MPHOSPH6: variants seen among roughly 807,000 people sequenced by gnomAD.
The protein encoded by MPHOSPH6 is M-phase phosphoprotein 6.
Under a neutral mutation model 21.8 loss-of-function variants are expected in MPHOSPH6, and 25 were observed. The observed-to-expected ratio is 1.15, with a 90% CI of 0.83 to 1.60. MPHOSPH6 has a LOEUF of 1.60. Among genes scored for constraint, MPHOSPH6 ranks in the 40% most tolerant of loss-of-function variants. The pLI, the probability that MPHOSPH6 is intolerant of heterozygous loss-of-function variation, is 0.00. For synonymous variants in MPHOSPH6, 84 were observed against 56.5 expected (o/e 1.49, Z -2.18); for missense variants, 269 against 181.8 (o/e 1.48, Z -2.76).
chr16:82,160,422 C>T (rs1020638366), intron 2 of MPHOSPH6, among the ~76,000 whole-genome samples: 1 of 152,194 alleles, frequency 6.6e-6, no homozygotes. Flanking sequence ...GTGGGTCTCA[C>T]ATTCCTGCAC....
chr16:82,153,895 G>C (rs548780316), intron 2 of MPHOSPH6, among the ~76,000 whole-genome samples: 1 of 152,078 alleles, frequency 6.6e-6, no homozygotes, highest in African/African-American at 2.4e-5. Context: ...AAGCTTCCAC[G>C]GTTACAAGGC....
intron 2 of MPHOSPH6, among the ~76,000 whole-genome samples, chr16:82,156,355 C>T (rs78709667): frequency 0.12 from 17,856 of 152,088 alleles, 1,283 homozygotes; most frequent in East Asian, 0.28. Flanking sequence ...CAACTTACTG[C>T]ATCAAAAATA....
chr16:82,162,583 A>G (rs1341404605), intron 2 of MPHOSPH6, among the ~76,000 whole-genome samples: 1 of 152,106 alleles, frequency 6.6e-6, no homozygotes, highest in African/African-American at 2.4e-5. Context: ...GGTAGCAGCT[A>G]TTCCCCACCC....
Position 82,148,961 on chromosome 16 carries a change from T to G in MPHOSPH6, c.351-98A>C, listed in dbSNP as rs1006869304. The G allele has an allele frequency of 1.1e-5, 15 of 1,419,834 alleles. No homozygotes were observed. The African/African-American group carries it at 2.0e-4, about 19-fold the overall frequency. 88.0% of individuals were successfully genotyped at this position (1,419,834 alleles called of 1,614,324 possible). ...AGACCAAATATGCAATAAAAAAGAT[T>G]ACGAAAAAGAAAACTATCATTAAAA... is the stretch of plus-strand genomic sequence containing the variant. On this transcript the variant is annotated intron_variant, in intron 4 of 4. Coordinates refer to ENST00000258169, the MANE Select transcript of MPHOSPH6 (RefSeq NM_005792.2).
intron 1 of MPHOSPH6, among the ~76,000 whole-genome samples, chr16:82,165,364 T>C (rs894228495): frequency 1.3e-5 from 2 of 151,892 alleles, no homozygotes; most frequent in African/African-American, 2.4e-5. Context: ...GACTTTGTGA[T>C]CCACCCGCCT....
At chr16:82,156,821 C>G (rs1906442185) in intron 2 of MPHOSPH6, among the ~76,000 whole-genome samples, 1 of 152,134 alleles carries the variant, frequency 6.6e-6, no homozygotes, top group Non-Finnish European at 1.5e-5. Flanking sequence ...AATCCCAGCA[C>G]TTTGGGTATC....
chr16:82,161,293 C>G (rs1248081209), intron 2 of MPHOSPH6, among the ~76,000 whole-genome samples: 3 of 152,278 alleles, frequency 2.0e-5, no homozygotes, highest in African/African-American at 7.2e-5. Context: ...CATCTCAGAC[C>G]CAGAAGGTTC....
At chr16:82,158,278 G>C (rs891935619) in intron 2 of MPHOSPH6, among the ~76,000 whole-genome samples, 1 of 151,550 alleles carries the variant, frequency 6.6e-6, no homozygotes, top group Admixed American at 6.6e-5. Context: ...CACGAGGTCA[G>C]GAAATTGAGA....
At chr16:82,157,047 T>A (rs1597161582) in intron 2 of MPHOSPH6, among the ~76,000 whole-genome samples, 2 of 151,900 alleles carry the variant, frequency 1.3e-5, no homozygotes, top group Admixed American at 1.3e-4. Context: ...CGAGACTCCA[T>A]TTCAAAAAAA....
At chr16:82,168,561 C>A (rs1042453042) in intron 1 of MPHOSPH6, among the ~76,000 whole-genome samples, 1 of 150,998 alleles carries the variant, frequency 6.6e-6, no homozygotes, top group African/African-American at 2.5e-5. Context: ...GCCTTGATCT[C>A]CCAAGCTCAA....
chr16:82,155,906 A>C (rs80067691), intron 2 of MPHOSPH6, among the ~76,000 whole-genome samples: 1 of 129,044 alleles, frequency 7.7e-6, no homozygotes, highest in Non-Finnish European at 1.6e-5. Flanking sequence ...CTCTGTCTCA[A>C]AAAAAAAAAA....
At chr16:82,163,624 A>G (rs1301194081) in intron 2 of MPHOSPH6, among the ~76,000 whole-genome samples, 1 of 152,260 alleles carries the variant, frequency 6.6e-6, no homozygotes, top group African/African-American at 2.4e-5. Flanking sequence ...TAGATTCAGT[A>G]AATGTTAGCT....
intron 1 of MPHOSPH6, among the ~76,000 whole-genome samples, chr16:82,169,326 C>A (rs529842752): frequency 6.6e-6 from 1 of 152,234 alleles, no homozygotes; most frequent in South Asian, 2.1e-4. Context: ...TTCTTTCTTG[C>A]CTCTCAGACT....
chr16:82,151,809 A>G (rs1179093558), intron 2 of MPHOSPH6, among the ~76,000 whole-genome samples: 4 of 152,248 alleles, frequency 2.6e-5, no homozygotes, highest in African/African-American at 9.6e-5. Flanking sequence ...TGAATTTGCC[A>G]AAGTTGAAGC....
At chr16:82,156,425 AC>A (rs1380742546) in intron 2 of MPHOSPH6, among the ~76,000 whole-genome samples, 3 of 152,106 alleles carry the variant, frequency 2.0e-5, no homozygotes, top group Admixed American at 1.3e-4. Flanking sequence ...ATTTAAAAAA[AC>A]AAAACAAAAA....
At chr16:82,152,688 C>T (rs1378922902) in intron 2 of MPHOSPH6, among the ~76,000 whole-genome samples, 1 of 152,158 alleles carries the variant, frequency 6.6e-6, no homozygotes, top group African/African-American at 2.4e-5. Flanking sequence ...AGCACGACAC[C>T]ACTGATGGCA....
At chr16:82,161,953 A>T (rs541550507) in intron 2 of MPHOSPH6, among the ~76,000 whole-genome samples, 1 of 152,250 alleles carries the variant, frequency 6.6e-6, no homozygotes, top group Non-Finnish European at 1.5e-5. Context: ...AGACACATGC[A>T]ATCTCCAAAT....
At chr16:82,167,164 T>G (rs749695580) in intron 1 of MPHOSPH6, among the ~76,000 whole-genome samples, 3 of 152,200 alleles carry the variant, frequency 2.0e-5, no homozygotes, top group Non-Finnish European at 4.4e-5. Flanking sequence ...TACAGAAAGT[T>G]TGCCAAGCCC....
intron 2 of MPHOSPH6, among the ~76,000 whole-genome samples, chr16:82,160,155 T>C (rs899212680): frequency 4.6e-5 from 7 of 152,140 alleles, no homozygotes; most frequent in African/African-American, 1.4e-4. Context: ...AGCACAGGTG[T>C]TTTGTATCTA....
Sources: allele counts gnomAD v4.1 joint callset (sites outside exome capture counted in the v4.1 genomes callset), GRCh38; gene constraint gnomAD v4.1.1; transcripts MANE v1.5; gene names NCBI Gene and HGNC (gene_info 2026-07-23, HGNC 2026-07-21).